Variants in ROS1 observed in about 807,000 individuals in gnomAD.
ROS1 encodes proto-oncogene tyrosine-protein kinase ROS.
Under a neutral mutation model 273.5 loss-of-function variants are expected in ROS1, and 263 were observed. The observed-to-expected ratio is 0.96, with a 90% CI of 0.87 to 1.06. The LOEUF (loss-of-function observed/expected upper bound fraction) is 1.06, where lower values mean the gene tolerates loss of function less well. ROS1 is among the 50% of genes least tolerant of loss of function. The probability of loss-of-function intolerance (pLI) is 0.00; values close to 1 mark genes in which losing one functional copy is unlikely to be tolerated. For synonymous variants in ROS1, 1,008 were observed against 954.1 expected (o/e 1.06, Z -1.04); for missense variants, 2,833 against 2,751.1 (o/e 1.03, Z -0.67).
chr6:117,338,840 G>A (rs1777677878), intron 31 of ROS1, among the ~76,000 whole-genome samples: 1 of 152,094 alleles, frequency 6.6e-6, no homozygotes, highest in Non-Finnish European at 1.5e-5. Context: ...GTGCAGGGGT[G>A]AAGGCTACCA....
rs764212412 is a variant in ROS1 at position 117,341,179 on chromosome 6, G to A, written c.5017C>T (p.Pro1673Ser). The change falls in exon 31 of 44, where the codon CCA becomes TCA. Residue 1673 changes from proline to serine, a missense_variant. Transcript: ENST00000368507. Reference sequence around the variant, plus strand: ...AATCTGATGAGGTTAACATTCAATGGAGCCTTCCAATTAAATTGCAAACTA... The same window carrying A: ...AATCTGATGAGGTTAACATTCAATGAAGCCTTCCAATTAAATTGCAAACTA... Reference protein sequence around the residue: ...NTSLQFNWKAPLNVNLIRFWV... With the variant: ...NTSLQFNWKASLNVNLIRFWV... 3.7e-6 allele frequency: 6 copies of A among 1,612,994 alleles called. No individual in the cohort carries two copies. Among genetic ancestry groups the A allele is most frequent in the Non-Finnish European group, 5.1e-6 (6 of 1,179,438 alleles).
At position 117,404,270 on chromosome 6, in the gene ROS1, C is replaced by T. The variant is rs781215124; in HGVS notation, c.465+10G>A. The T allele has an allele frequency of 6.2e-7, 1 of 1,612,294 alleles. No individual in the cohort carries two copies. Among genetic ancestry groups the T allele is most frequent in the Non-Finnish European group, 8.5e-7 (1 of 1,179,066 alleles). ...GGTCTGGGTTGAGGTACAAAGGCAG[C>T]CTTTCATACCTTAGTATAAGTCCAG... On this transcript the variant is annotated intron_variant, in intron 6 of 43. Transcript: ENST00000368507.
intron 12 of ROS1, among the ~76,000 whole-genome samples, chr6:117,393,016 T>C (rs568134415): frequency 6.6e-6 from 1 of 152,312 alleles, no homozygotes; most frequent in East Asian, 1.9e-4. Flanking sequence ...GAGAAATAAC[T>C]ACTTTATAAG....
At chr6:117,383,799 A>G (rs1364363507) in intron 16 of ROS1, among the ~76,000 whole-genome samples, 2 of 152,234 alleles carry the variant, frequency 1.3e-5, no homozygotes, top group Non-Finnish European at 2.9e-5. Flanking sequence ...ACATCCAGAC[A>G]ATGTGAACAC....
chr6:117,396,776 A>C, intron 8 of ROS1, 139 bp downstream of exon 8: 1 of 659,986 alleles, frequency 1.5e-6, no homozygotes, highest in East Asian at 2.6e-5. Flanking sequence ...GGAAAACCAC[A>C]ATGACTTCAA....
chr6:117,296,836 C>T (rs1469333049), intron 43 of ROS1, among the ~76,000 whole-genome samples: 2 of 152,070 alleles, frequency 1.3e-5, no homozygotes, highest in African/African-American at 4.8e-5. Context: ...AGGATAAATG[C>T]TTGAGGGGTG....
intron 32 of ROS1, among the ~76,000 whole-genome samples, chr6:117,331,460 G>A (rs1388872228): frequency 6.6e-6 from 1 of 152,088 alleles, no homozygotes; most frequent in Non-Finnish European, 1.5e-5. Context: ...TAGCAAGACA[G>A]GCCAACATGC....
At chr6:117,383,262 CATAA>C in intron 17 of ROS1, 51 bp downstream of exon 17, 1 of 1,310,982 alleles carries the variant, frequency 7.6e-7, no homozygotes, top group Non-Finnish European at 1.1e-6. Context: ...AAAGTATTAT[CATAA>C]ATATAGAGCT....
chr6:117,307,640 A>T (rs1404627494), intron 42 of ROS1, among the ~76,000 whole-genome samples: 1 of 151,938 alleles, frequency 6.6e-6, no homozygotes, highest in Non-Finnish European at 1.5e-5. Flanking sequence ...TGTGTATCTG[A>T]TCTCCCTGTA....
chr6:117,395,450 CAGGCATGTACAGATTAGAGTA>C (rs1395418727), intron 9 of ROS1, among the ~76,000 whole-genome samples: 2 of 152,110 alleles, frequency 1.3e-5, no homozygotes, highest in African/African-American at 2.4e-5. Flanking sequence ...CCCATTGGCA[CAGGCATGTACAGATTAGAGTA>C]AGGGGCAGTC....
At chr6:117,331,185 C>T (rs1314806388) in intron 32 of ROS1, among the ~76,000 whole-genome samples, 1 of 152,090 alleles carries the variant, frequency 6.6e-6, no homozygotes, top group Admixed American at 6.5e-5. Context: ...ACAAGAACTT[C>T]GTGAAGCATA....
At position 117,366,277 on chromosome 6, in the gene ROS1, T is replaced by C. The variant is rs750183711; in HGVS notation, c.2596A>G (p.Thr866Ala). ...CTCCAGGCTGCAAATTCTGTGATGG[T>C]GGTATCCCCAGTGCTGCTAAAACAT... ...VLRGQSTGDT[T>A]ITEFAAWSTS... Residue 866 changes from threonine to alanine, a missense_variant, in exon 19 of 44, where the codon ACC becomes GCC. Physicochemically the swap from Thr to Ala is moderately conservative, Grantham distance 58 (BLOSUM62 0). Coordinates refer to ENST00000368507, the MANE Select transcript of ROS1 (RefSeq NM_001378902.1). The C allele has an allele frequency of 6.2e-7, 1 of 1,613,852 alleles. No homozygotes were observed. The highest frequency in any genetic ancestry group is 2.2e-5 in the East Asian group (1 of 44,876).
Position 117,357,910 on chromosome 6 carries a change from G to A in ROS1, c.3733C>T (p.Gln1245Ter). Residue 1245 changes from glutamine to a stop codon, truncating the protein, a stop_gained, in exon 25 of 44, where the codon CAA (glutamine) becomes TAA (stop). Transcript: ENST00000368507. LOFTEE classifies it high-confidence loss of function. ...TGTTCAAGATCAACATCAAATACTT[G>A]CATTCCATTTTGTGATTCTTTCAGT... ...FALKESQNGM[Q>*]VFDVDLEHKV... The A allele has an allele frequency of 6.2e-7, 1 of 1,613,122 alleles. No homozygotes were observed. The highest frequency in any genetic ancestry group is 8.5e-7 in the Non-Finnish European group (1 of 1,179,214).
intron 43 of ROS1, among the ~76,000 whole-genome samples, chr6:117,295,403 G>A (rs548296363): frequency 4.6e-5 from 7 of 152,216 alleles, no homozygotes; most frequent in Non-Finnish European, 8.8e-5. Flanking sequence ...AAATACTGGG[G>A]AAAATCTCCA....
At position 117,341,237 on chromosome 6, in the gene ROS1, T is replaced by C. The variant is rs1777888619; in HGVS notation, c.4959A>G (p.Pro1653=). 1 of 1,613,668 alleles carries C rather than the reference T, an allele frequency of 6.2e-7. No homozygotes were observed. Among genetic ancestry groups the C allele is most frequent in the African/African-American group, 1.3e-5 (1 of 75,026 alleles). ...CTGGAACCAAGGAATAAGGTTTCTC[T>C]GGTGTGTTAAACATTTCCACAGTGA... The part of the protein sequence containing the change: ...HPVTVEMFNT[P]EKPYSLVPEN... The change falls in exon 31 of 44, where the codon CCA becomes CCG. Residue 1653 remains proline, a synonymous_variant. Coordinates refer to ENST00000368507, the MANE Select transcript of ROS1 (RefSeq NM_001378902.1).
At chr6:117,360,760 TCATGTTGTA>T (rs2128651171) in intron 22 of ROS1, among the ~76,000 whole-genome samples, 1 of 152,218 alleles carries the variant, frequency 6.6e-6, no homozygotes, top group Non-Finnish European at 1.5e-5. Context: ...ATTTATTAAG[TCATGTTGTA>T]CAGCTTGAAT....
At chr6:117,335,105 T>A (rs574285970) in intron 32 of ROS1, among the ~76,000 whole-genome samples, 1 of 152,292 alleles carries the variant, frequency 6.6e-6, no homozygotes, top group South Asian at 2.1e-4. Context: ...GACAAAGGGC[T>A]AATATCCAGA....
chr6:117,346,399 A>G (rs1201424422), intron 27 of ROS1, among the ~76,000 whole-genome samples: 1 of 152,052 alleles, frequency 6.6e-6, no homozygotes. Flanking sequence ...AACATAAAAT[A>G]GACTCCATTT....
rs1467736668 is a variant in ROS1 at position 117,342,404 on chromosome 6, A to G, written c.4647T>C (p.Asn1549=). ...PGKEIWGKTK[N]GVPEAVQLIN... Reference sequence around the variant, plus strand: ...CACAACAAGCCCATAACTTACCTCCATTTTTAGTTTTTCCCCAAATCTCTT... The same window carrying G: ...CACAACAAGCCCATAACTTACCTCCGTTTTTAGTTTTTCCCCAAATCTCTT... The change falls in exon 29 of 44, where the codon AAT becomes AAC. Residue 1549 remains asparagine (N), a synonymous_variant. Transcript: ENST00000368507. 2.5e-6 allele frequency: 4 copies of G among 1,612,144 alleles called. No individual in the cohort carries two copies. The highest frequency in any genetic ancestry group is 1.7e-5 in the Admixed American group (1 of 59,852).
Sources: allele counts gnomAD v4.1 joint callset (sites outside exome capture counted in the v4.1 genomes callset), GRCh38; gene constraint gnomAD v4.1.1; transcripts MANE v1.5; gene names NCBI Gene and HGNC (gene_info 2026-07-23, HGNC 2026-07-21).